The following STAU2 variants were observed in gnomAD, a reference collection of about 807,000 sequenced individuals.
STAU2 encodes the protein double-stranded RNA-binding protein Staufen homolog 2.
A neutral mutation model predicts 65.9 loss-of-function variants in STAU2; 20 were observed. The observed-to-expected ratio is 0.30, with a 90% CI of 0.21 to 0.44. The LOEUF (loss-of-function observed/expected upper bound fraction) is 0.44. Among genes scored for constraint, STAU2 ranks in the 20% least tolerant of loss-of-function variants. STAU2 has a pLI of 1.00. For synonymous variants in STAU2, 232 were observed against 233.9 expected (o/e 0.99, Z 0.07); for missense variants, 558 against 683.9 (o/e 0.82, Z 2.05).
chr8:73,705,432 T>A, intron 4 of STAU2, among the ~76,000 whole-genome samples: 1 of 152,166 alleles, frequency 6.6e-6, no homozygotes, highest in Non-Finnish European at 1.5e-5. Context: ...TACAATTTAC[T>A]TGAAACTTAG....
chr8:73,667,240 A>C (rs77199245), intron 6 of STAU2, among the ~76,000 whole-genome samples: 1,629 of 152,254 alleles, frequency 0.011, 26 homozygotes, highest in African/African-American at 0.037. Flanking sequence ...TATCCCTTCA[A>C]GTTTTAGGAA....
intron 13 of STAU2, among the ~76,000 whole-genome samples, chr8:73,438,603 A>G (rs997272462): frequency 6.6e-6 from 1 of 152,232 alleles, no homozygotes; most frequent in Admixed American, 6.5e-5. Context: ...GGCCAAGCCC[A>G]GGGAGTGGAA....
chr8:73,603,554 T>C (rs1333409056), intron 10 of STAU2, among the ~76,000 whole-genome samples, 172 bp downstream of exon 10: 1 of 152,240 alleles, frequency 6.6e-6, no homozygotes, highest in Admixed American at 6.5e-5. Flanking sequence ...AACATGTCCT[T>C]GACACTTGAA....
intron 4 of STAU2, among the ~76,000 whole-genome samples, chr8:73,701,885 T>G (rs1310478343): frequency 6.6e-6 from 1 of 152,202 alleles, no homozygotes; most frequent in Non-Finnish European, 1.5e-5. Flanking sequence ...AATGGAGTAC[T>G]ATTCAGCCAT....
At chr8:73,452,260 C>T (rs1428914526) in intron 13 of STAU2, among the ~76,000 whole-genome samples, 3 of 152,184 alleles carry the variant, frequency 2.0e-5, no homozygotes, top group Non-Finnish European at 4.4e-5. Context: ...TATCATGACA[C>T]CCGGCTCTGT....
chr8:73,726,770 A>C (rs1805665183), intron 3 of STAU2, among the ~76,000 whole-genome samples: 1 of 152,152 alleles, frequency 6.6e-6, no homozygotes, highest in South Asian at 2.1e-4. Flanking sequence ...ATTAGTAAGA[A>C]CTGTTTCTAT....
chr8:73,498,685 A>G (rs930447340), intron 13 of STAU2, among the ~76,000 whole-genome samples: 1 of 151,872 alleles, frequency 6.6e-6, no homozygotes, highest in African/African-American at 2.4e-5. Context: ...CTTATTTTGT[A>G]AACAAGGGAA....
intron 12 of STAU2, among the ~76,000 whole-genome samples, chr8:73,560,190 C>T (rs1808116714): frequency 6.6e-6 from 1 of 151,508 alleles, no homozygotes; most frequent in Non-Finnish European, 1.5e-5. Flanking sequence ...ACGCCATTCT[C>T]CTGACTCAGC....
At chr8:73,428,140 C>T (rs555933623) in intron 13 of STAU2, among the ~76,000 whole-genome samples, 1 of 152,296 alleles carries the variant, frequency 6.6e-6, no homozygotes, top group Non-Finnish European at 1.5e-5. Context: ...CCACCTACCC[C>T]CAGCCTCTGT....
chr8:73,586,876 A>T (rs905362157), intron 11 of STAU2, among the ~76,000 whole-genome samples: 1 of 152,098 alleles, frequency 6.6e-6, no homozygotes, highest in Non-Finnish European at 1.5e-5. Flanking sequence ...AGAAAAGAAA[A>T]ACCACAAGAC....
intron 13 of STAU2, among the ~76,000 whole-genome samples, chr8:73,468,946 C>T (rs1331963522): frequency 2.0e-5 from 2 of 101,982 alleles, no homozygotes; most frequent in African/African-American, 7.9e-5. Context: ...CCAGCCATCC[C>T]ATTACTGAGT....
At chr8:73,502,163 G>A (rs756273552) in intron 13 of STAU2, among the ~76,000 whole-genome samples, 1 of 151,578 alleles carries the variant, frequency 6.6e-6, no homozygotes, top group Non-Finnish European at 1.5e-5. Context: ...CATATTTTAG[G>A]ATATATGTTC....
intron 13 of STAU2, among the ~76,000 whole-genome samples, chr8:73,500,267 T>C (rs1821667305): frequency 6.6e-6 from 1 of 151,954 alleles, no homozygotes; most frequent in South Asian, 2.1e-4. Context: ...ATCTTCTGTA[T>C]ACTTTAAATT....
intron 5 of STAU2, among the ~76,000 whole-genome samples, chr8:73,675,887 G>A (rs1325450975): frequency 6.6e-6 from 1 of 152,126 alleles, no homozygotes; most frequent in Admixed American, 6.6e-5. Context: ...CTTCCCGATA[G>A]AACGGTGTCC....
intron 13 of STAU2, among the ~76,000 whole-genome samples, chr8:73,462,395 C>A (rs143626018): frequency 0.013 from 1,901 of 151,306 alleles, 47 homozygotes; most frequent in African/African-American, 0.041. Flanking sequence ...AGCCACCACA[C>A]CTGGCCTATT....
chr8:73,709,802 A>G (rs10087954), intron 3 of STAU2, among the ~76,000 whole-genome samples: 10,966 of 152,082 alleles, frequency 0.072, 431 homozygotes, highest in Middle Eastern at 0.14. Flanking sequence ...AAAAAAAATA[A>G]GTGGTATTCC....
At chr8:73,523,816 G>GT (rs1422239389) in intron 13 of STAU2, among the ~76,000 whole-genome samples, 4 of 152,180 alleles carry the variant, frequency 2.6e-5, no homozygotes, top group African/African-American at 9.7e-5. Flanking sequence ...AATCATAGGA[G>GT]TTTGTGTGCC....
chr8:73,651,697 C>A (rs1353760273), intron 6 of STAU2: 2 of 469,062 alleles, frequency 4.3e-6, no homozygotes, highest in South Asian at 2.0e-5. Flanking sequence ...GTACCACCCC[C>A]CAAAGCCCAG....
chr8:73,650,633 C>A (rs966162236), intron 6 of STAU2, among the ~76,000 whole-genome samples: 1 of 152,136 alleles, frequency 6.6e-6, no homozygotes, highest in African/African-American at 2.4e-5. Flanking sequence ...ATACATCAGA[C>A]GGTAATACGT....
Sources: allele counts gnomAD v4.1 joint callset (sites outside exome capture counted in the v4.1 genomes callset), GRCh38; gene constraint gnomAD v4.1.1; transcripts MANE v1.5; gene names NCBI Gene and HGNC (gene_info 2026-07-23, HGNC 2026-07-21).